The following ZDHHC1 variants were observed in gnomAD, a reference collection of about 807,000 sequenced individuals.
ZDHHC1 encodes the protein zDHHC palmitoyltransferase 1.
ZDHHC1 carries 45 observed loss-of-function variants against 46.9 expected under a neutral mutation model. That is an observed-to-expected ratio of 0.96 (90% CI 0.76 to 1.23). The LOEUF (loss-of-function observed/expected upper bound fraction) is 1.23, where lower values mean the gene tolerates loss of function less well. Ranked by LOEUF, ZDHHC1 falls within the 50% of genes most tolerant of loss-of-function variation. The pLI, the probability that ZDHHC1 is intolerant of heterozygous loss-of-function variation, is 0.00. For missense variants in ZDHHC1, 649 were observed against 670.8 expected (o/e 0.97, Z 0.36); for synonymous variants, 291 against 286.0 (o/e 1.02, Z -0.18).
chr16:67,396,165 C>T (rs1218339795), intron 8 of ZDHHC1: 2 of 153,252 alleles, frequency 1.3e-5, no homozygotes, highest in African/African-American at 4.8e-5. Context: ...TGGGCAAGCC[C>T]TGATCTTCAC....
chr16:67,403,678 C>T (rs1375481725), intron 3 of ZDHHC1, among the ~76,000 whole-genome samples: 1 of 151,736 alleles, frequency 6.6e-6, no homozygotes, highest in Non-Finnish European at 1.5e-5. Context: ...GGCGCTATCT[C>T]GGCTCACTGC....
Position 67,406,942 on chromosome 16 carries a change from C to G in ZDHHC1, c.10-500G>C, listed in dbSNP as rs190951444. On this transcript the variant is annotated intron_variant, in intron 2 of 11. Transcript: ENST00000565726. The surrounding 1 kb of genome is among the most constrained non-coding windows in gnomAD (Gnocchi z 4.1). ...CAGAAGGAGGATCTGCCCTCTCCCCCACGGTGGACAGAAAATCCCTTTAGG... is the reference window on the plus strand; with the variant it reads ...CAGAAGGAGGATCTGCCCTCTCCCCGACGGTGGACAGAAAATCCCTTTAGG... Among the ~76,000 whole-genome samples, 2 of 152,304 alleles carry G rather than the reference C, an allele frequency of 1.3e-5. No homozygotes were observed. Among genetic ancestry groups the G allele is most frequent in the Non-Finnish European group, 2.9e-5 (2 of 68,028 alleles).
chr16:67,395,642 G>A, intron 8 of ZDHHC1, 76 bp from the exon 9 acceptor site: 1 of 1,409,790 alleles, frequency 7.1e-7, no homozygotes, highest in Non-Finnish European at 9.8e-7. Flanking sequence ...AGCCCACGCA[G>A]TCCTGCCCTC....
chr16:67,395,664 T>A, intron 8 of ZDHHC1, 98 bp from the exon 9 acceptor site: 1 of 1,213,584 alleles, frequency 8.2e-7, no homozygotes, highest in Non-Finnish European at 1.2e-6. Context: ...TTGGCCTCTG[T>A]GGGATATCTC....
rs2040504334 is a variant in ZDHHC1, at chr16:67,399,467, A to ACT, written c.429-12_429-11insAG. The stretch of plus-strand genomic sequence containing the variant: ...TTGGAGCGAGCGCTCCTGCAGGGAG[A>ACT]GGGGGCACAGCGCGATTGGCCGGCT... On this transcript the variant is annotated splice_polypyrimidine_tract_variant and intron_variant, in intron 4 of 11. Coordinates refer to ENST00000565726, the MANE Select transcript of ZDHHC1 (RefSeq NM_001323627.2). 6.2e-7 allele frequency: 1 copy of ACT among 1,602,542 alleles called. No individual in the cohort carries two copies. The highest frequency in any genetic ancestry group is 1.3e-5 in the African/African-American group (1 of 74,616).
rs1477978164 is a variant in ZDHHC1, at chr16:67,398,240, G to C, written c.899C>G (p.Ser300Ter). 1.2e-6 allele frequency: 2 copies of C among 1,613,958 alleles called. No individual in the cohort carries two copies. Among genetic ancestry groups the C allele is most frequent in the Non-Finnish European group, 1.7e-6 (2 of 1,180,004 alleles). Residue 300 changes from serine (S) to a stop codon, truncating the protein, a stop_gained, in exon 8 of 12, where the codon TCA (serine) becomes TGA (stop). Transcript: ENST00000565726. LOFTEE classifies it high-confidence loss of function. The stretch of plus-strand genomic sequence containing the variant: ...AATGGGCCGCATCTTGGGAGGACAT[G>C]ACTCGAGCTCCCTGTGAACCCCCTT... ...EAKGVHRELE[S>*]CPPKMRPIQE... is the part of the protein sequence containing the mutation.
In ZDHHC1 at chr16:67,394,725, C is replaced by CA; in HGVS notation, c.1333_1334insT (p.Arg445LeufsTer54). The CA allele has an allele frequency of 7.2e-7, 1 of 1,382,170 alleles. No individual in the cohort carries two copies. The highest frequency in any genetic ancestry group is 1.6e-5 in the South Asian group (1 of 62,070). 85.6% of individuals were successfully genotyped at this position (1,382,170 alleles called of 1,614,324 possible). A position where few individuals can be genotyped will look rare whatever the true frequency, so the allele number is the denominator to read the frequency against. ...CAGCGTGGGCTGTCGGCCCCGGCCC[C>CA]GCGGGGCGGCCAGAGCGGCGCTGCC... On this transcript the variant is annotated frameshift_variant, in exon 12 of 12. Transcript: ENST00000565726. LOFTEE classifies it low-confidence loss of function (END_TRUNC).
In ZDHHC1 at chr16:67,401,995, C is replaced by T. The variant is rs563007312; in HGVS notation, c.253-863G>A. ...TCATCCCTCCATCATTCATGCTCTA[C>T]CCATCATCCATCTGCCATCCTTCAT... On this transcript the variant is annotated intron_variant, in intron 3 of 11. Transcript: ENST00000565726. The surrounding 1 kb of genome is among the most constrained non-coding windows in gnomAD (Gnocchi z 4.6). 5.3e-5 allele frequency among the ~76,000 whole-genome samples: 8 copies of T among 152,334 alleles called. No individual in the cohort carries two copies. The East Asian group carries it at 9.6e-4, about 18-fold the overall frequency.
intron 4 of ZDHHC1, among the ~76,000 whole-genome samples, chr16:67,400,464 G>C (rs375821426): frequency 1.3e-5 from 2 of 152,354 alleles, no homozygotes; most frequent in African/African-American, 2.4e-5. Flanking sequence ...TAGACCCCAG[G>C]GCAGCAGTAT....
chr16:67,403,339 A>G (rs2040588658), intron 3 of ZDHHC1, among the ~76,000 whole-genome samples: 1 of 152,248 alleles, frequency 6.6e-6, no homozygotes, highest in Admixed American at 6.5e-5. Context: ...TGCCTATAGA[A>G]GGAACATTAA....
Position 67,406,098 on chromosome 16 carries a change from T to A in ZDHHC1, c.252+102A>T, listed in dbSNP as rs1168778360. The A allele has an allele frequency of 6.8e-7, 1 of 1,466,700 alleles. No individual in the cohort carries two copies. Among genetic ancestry groups the A allele is most frequent in the Non-Finnish European group, 9.1e-7 (1 of 1,104,632 alleles). The allele number at this position is 1,466,700 out of a possible 1,614,324, so 90.9% of individuals were successfully genotyped here. Reference sequence around the variant, plus strand: ...GCCCACCCTGCTCCACTCTCCTGACTGTGCTCCCCAAGGCTCTCAACCCGG... The same window carrying A: ...GCCCACCCTGCTCCACTCTCCTGACAGTGCTCCCCAAGGCTCTCAACCCGG... On this transcript the variant is annotated intron_variant, in intron 3 of 11. Transcript: ENST00000565726. This position sits in a 1 kb window ranked among gnomAD's most constrained non-coding sequence, Gnocchi z 4.1.
chr16:67,397,982 C>T (rs73597085), intron 8 of ZDHHC1, among the ~76,000 whole-genome samples: 12,703 of 152,232 alleles, frequency 0.083, 1,754 homozygotes, highest in African/African-American at 0.29. Flanking sequence ...CCCTCCCGCG[C>T]ATGCTTGGCG....
intron 4 of ZDHHC1, among the ~76,000 whole-genome samples, chr16:67,400,033 C>T (rs2040519780): frequency 2.0e-5 from 3 of 152,228 alleles, no homozygotes; most frequent in Non-Finnish European, 4.4e-5. Context: ...GTCTCCCAGC[C>T]CAGGGAGGCA....
At position 67,406,628 on chromosome 16, in the gene ZDHHC1, C is replaced by G. The variant is rs2040666861; in HGVS notation, c.10-186G>C. Among the ~76,000 whole-genome samples, 1 of 152,142 alleles carries G rather than the reference C, an allele frequency of 6.6e-6. No individual in the cohort carries two copies. The highest frequency in any genetic ancestry group is 1.5e-5 in the Non-Finnish European group (1 of 68,032). ...AGAGGGTGGGAGTGGGCTGCTGTCT[C>G]AAAGCCCAAAGCAAACCCTGGCCCT... is the stretch of plus-strand genomic sequence containing the variant. On this transcript the variant is annotated intron_variant, in intron 2 of 11. Transcript: ENST00000565726. This position sits in a 1 kb window ranked among gnomAD's most constrained non-coding sequence, Gnocchi z 4.1.
rs1375783676 is a variant in ZDHHC1 at position 67,406,585 on chromosome 16, T to C, written c.10-143A>G. 1.0e-5 allele frequency: 11 copies of C among 1,095,898 alleles called. No homozygotes were observed. The Admixed American group carries it at 2.4e-4, about 24-fold the overall frequency. The allele number at this position is 1,095,898 out of a possible 1,614,324, so 67.9% of individuals were successfully genotyped here. ...TGGGGAAACTGGGGTCCTAGCACAA[T>C]AGAGATGGGCAGTGGGGAGAGGGTG... On this transcript the variant is annotated intron_variant, in intron 2 of 11. Transcript: ENST00000565726. This position sits in a 1 kb window ranked among gnomAD's most constrained non-coding sequence, Gnocchi z 4.1.
intron 3 of ZDHHC1, chr16:67,404,696 A>T (rs936492383): frequency 4.4e-6 from 2 of 455,694 alleles, no homozygotes; most frequent in Non-Finnish European, 8.8e-6. Context: ...AGGAAGTCAC[A>T]GAACCTCTGT....
chr16:67,413,459 C>G (rs781343940), intron 1 of ZDHHC1, among the ~76,000 whole-genome samples: 10 of 152,164 alleles, frequency 6.6e-5, no homozygotes, highest in Admixed American at 2.0e-4. Flanking sequence ...TATTAAAATT[C>G]CCCACAGGTG....
At chr16:67,411,218 T>C (rs1271532113) in intron 1 of ZDHHC1, among the ~76,000 whole-genome samples, 3 of 152,106 alleles carry the variant, frequency 2.0e-5, no homozygotes, top group Admixed American at 1.3e-4. Context: ...GCAAGCTACC[T>C]GAGGGCTTCA....
At position 67,399,350 on chromosome 16, in the gene ZDHHC1, C is replaced by T; in HGVS notation, c.530+5G>A. 6.2e-7 allele frequency: 1 copy of T among 1,611,598 alleles called. No individual in the cohort carries two copies. Among genetic ancestry groups the T allele is most frequent in the Non-Finnish European group, 8.5e-7 (1 of 1,178,812 alleles). ...CAGGCCCGCGTGCGGCCGGGCTGTC[C>T]TCACCGGTAGTTCCGCTCGCCCACA... On this transcript the variant is annotated splice_donor_5th_base_variant and intron_variant, in intron 5 of 11. Transcript: ENST00000565726.
Sources: allele counts gnomAD v4.1 joint callset (sites outside exome capture counted in the v4.1 genomes callset), GRCh38; gene constraint gnomAD v4.1.1; non-coding constraint Gnocchi (gnomAD v3.1); transcripts MANE v1.5; gene names NCBI Gene and HGNC (gene_info 2026-07-23, HGNC 2026-07-21).